The following TRPC4AP variants were observed in gnomAD, a reference collection of about 807,000 sequenced individuals.
TRPC4AP encodes transient receptor potential cation channel subfamily C member 4 associated protein, also known as short transient receptor potential channel 4-associated protein.
A neutral mutation model predicts 99.0 loss-of-function variants in TRPC4AP; 45 were observed. The observed-to-expected ratio is 0.45, with a 90% CI of 0.36 to 0.58. TRPC4AP has a LOEUF of 0.58. Among genes scored for constraint, TRPC4AP ranks in the 20% least tolerant of loss-of-function variants. The pLI, the probability that TRPC4AP is intolerant of heterozygous loss-of-function variation, is 0.00. For synonymous variants in TRPC4AP, 408 were observed against 385.8 expected (o/e 1.06, Z -0.67); for missense variants, 879 against 985.3 (o/e 0.89, Z 1.44).
intron 11 of TRPC4AP, among the ~76,000 whole-genome samples, chr20:35,012,790 G>A (rs2082666703): frequency 6.6e-6 from 1 of 152,218 alleles, no homozygotes; most frequent in Non-Finnish European, 1.5e-5. Flanking sequence ...GGGTGGCTAT[G>A]AGGGTTAGAA....
chr20:35,057,405 T>C lies in TRPC4AP; in HGVS notation c.472+109A>G, dbSNP rs913331909. On this transcript the variant is annotated intron_variant, in intron 4 of 18. Coordinates refer to ENST00000252015, the MANE Select transcript of TRPC4AP (RefSeq NM_015638.3). ...GCAACCTGTAGCTAAATGTAAGACA[T>C]GTCCTTACTATTAAGAGTTAGGAAG... 8.2e-6 allele frequency: 7 copies of C among 851,744 alleles called. No individual in the cohort carries two copies. In the African/African-American group the frequency reaches 1.0e-4, roughly 12 times the overall value. 52.8% of individuals were successfully genotyped at this position (851,744 alleles called of 1,614,324 possible).
At chr20:35,091,936 G>C (rs1395705707) in intron 1 of TRPC4AP, among the ~76,000 whole-genome samples, 2 of 152,164 alleles carry the variant, frequency 1.3e-5, no homozygotes, top group Admixed American at 1.3e-4. Context: ...GAGGAGCAGG[G>C]CTTTGAACCC....
intron 3 of TRPC4AP, among the ~76,000 whole-genome samples, chr20:35,068,984 A>AAAACAAAAC (rs144241228): frequency 7.1e-6 from 1 of 140,174 alleles, no homozygotes; most frequent in African/African-American, 2.9e-5. Flanking sequence ...CACACAAAAA[A>AAAACAAAAC]AACAAAACAT....
At chr20:35,052,098 G>GTT (rs5841189) in intron 5 of TRPC4AP, among the ~76,000 whole-genome samples, 52 of 138,032 alleles carry the variant, frequency 3.8e-4, no homozygotes, top group Non-Finnish European at 6.1e-4. Flanking sequence ...TTTTTTTTTG[G>GTT]TTTTTTTTTT....
chr20:35,034,371 G>A (rs2083269449), intron 8 of TRPC4AP, among the ~76,000 whole-genome samples: 1 of 151,866 alleles, frequency 6.6e-6, no homozygotes, highest in Non-Finnish European at 1.5e-5. Flanking sequence ...GCAAGCTAGG[G>A]CAAAGGTGAT....
chr20:35,073,318 T>TAGGA (rs2084374564), intron 2 of TRPC4AP, among the ~76,000 whole-genome samples: 1 of 152,206 alleles, frequency 6.6e-6, no homozygotes, highest in African/African-American at 2.4e-5. Flanking sequence ...CTATGTTGAA[T>TAGGA]AGGAGTGTGC....
At chr20:35,077,994 T>C in intron 2 of TRPC4AP, 52 bp downstream of exon 2, 1 of 1,513,336 alleles carries the variant, frequency 6.6e-7, no homozygotes, top group South Asian at 1.3e-5. Context: ...AGCAGACATC[T>C]TGTGTCACCT....
At chr20:35,028,210 CCTT>C (rs1569100043) in intron 8 of TRPC4AP, among the ~76,000 whole-genome samples, 1 of 79,122 alleles carries the variant, frequency 1.3e-5, no homozygotes, top group Non-Finnish European at 3.0e-5. Flanking sequence ...CAAAATATTT[CCTT>C]TTTTTTTTTT....
At chr20:35,088,034 C>T (rs1031900501) in intron 1 of TRPC4AP, among the ~76,000 whole-genome samples, 1 of 152,142 alleles carries the variant, frequency 6.6e-6, no homozygotes, top group African/African-American at 2.4e-5. Flanking sequence ...ACCTACCCAT[C>T]CAGAGCTAAA....
At chr20:35,013,175 T>C in intron 10 of TRPC4AP, 109 bp from the exon 11 acceptor site, 1 of 956,534 alleles carries the variant, frequency 1.0e-6, no homozygotes, top group East Asian at 2.4e-5. Context: ...TGTCCTCATG[T>C]ACCATGAGGA....
intron 2 of TRPC4AP, among the ~76,000 whole-genome samples, chr20:35,075,274 T>C (rs1269262224): frequency 6.6e-6 from 1 of 152,220 alleles, no homozygotes; most frequent in Non-Finnish European, 1.5e-5. Flanking sequence ...GTTAATTTTG[T>C]TATGTGTGAA....
chr20:35,017,499 C>T (rs1170185810), intron 9 of TRPC4AP, among the ~76,000 whole-genome samples: 1 of 152,152 alleles, frequency 6.6e-6, no homozygotes, highest in African/African-American at 2.4e-5. Flanking sequence ...ATTACTAGCC[C>T]TTCTCGGGGC....
In TRPC4AP at chr20:35,086,507, A is replaced by G. The variant is rs28520715; in HGVS notation, c.168+6107T>C. Among the ~76,000 whole-genome samples the G allele has an allele frequency of 3.0e-4, 19 of 63,020 alleles. 1 individual carries two copies. The highest frequency in any genetic ancestry group is 5.7e-4 in the East Asian group (1 of 1,768). 41.3% of individuals were successfully genotyped at this position (63,020 alleles called of 152,430 possible). On this transcript the variant is annotated intron_variant, in intron 1 of 18. Transcript: ENST00000252015. ...TGTGTATATATATATGTGTATATATATGTGTGTGTGTGTATATATGTGTGT... is the reference window on the plus strand; with the variant it reads ...TGTGTATATATATATGTGTATATATGTGTGTGTGTGTGTATATATGTGTGT...
intron 1 of TRPC4AP, among the ~76,000 whole-genome samples, chr20:35,087,195 C>T (rs1600675971): frequency 1.3e-5 from 2 of 149,766 alleles, no homozygotes; most frequent in Non-Finnish European, 3.0e-5. Flanking sequence ...AAAAATTAGC[C>T]AGGCGTGGTG....
intron 7 of TRPC4AP, among the ~76,000 whole-genome samples, chr20:35,041,180 T>C (rs1163898601): frequency 9.6e-6 from 1 of 103,922 alleles, no homozygotes; most frequent in Non-Finnish European, 2.2e-5. Context: ...CGGTACCTTG[T>C]TATGGCAGCT....
intron 9 of TRPC4AP, among the ~76,000 whole-genome samples, chr20:35,018,839 C>A (rs949502953): frequency 1.3e-5 from 2 of 152,062 alleles, no homozygotes; most frequent in Non-Finnish European, 2.9e-5. Context: ...CCTGGGTTCA[C>A]AAGATAGCTC....
chr20:35,080,113 T>C (rs2084593959), intron 1 of TRPC4AP, among the ~76,000 whole-genome samples: 1 of 151,356 alleles, frequency 6.6e-6, no homozygotes, highest in Non-Finnish European at 1.5e-5. Flanking sequence ...ATCCATCCAA[T>C]GGAATATTAT....
intron 4 of TRPC4AP, 138 bp from the exon 5 acceptor site, chr20:35,055,169 C>T (rs1274495140): frequency 1.4e-6 from 1 of 699,344 alleles, no homozygotes; most frequent in East Asian, 3.0e-5. Context: ...TTCTTCCAGC[C>T]CCTGTCTACC....
In TRPC4AP at chr20:35,068,984, A is replaced by AAAAAAAAAAAC. The variant is rs144241228; in HGVS notation, c.414+311_414+312insGTTTTTTTTTT. Among the ~76,000 whole-genome samples the AAAAAAAAAAAC allele has an allele frequency of 5.7e-3, 801 of 140,058 alleles. 13 individuals are homozygous for AAAAAAAAAAAC. The highest frequency in any genetic ancestry group is 0.022 in the African/African-American group (764 of 34,700). 91.9% of individuals were successfully genotyped at this position (140,058 alleles called of 152,430 possible). On this transcript the variant is annotated intron_variant, in intron 3 of 18. Transcript: ENST00000252015. ...ACACACACACACACACACACAAAAA[A>AAAAAAAAAAAC]AACAAAACATCTTAAGCAGGACACA...
Sources: allele counts gnomAD v4.1 joint callset (sites outside exome capture counted in the v4.1 genomes callset), GRCh38; gene constraint gnomAD v4.1.1; transcripts MANE v1.5; gene names NCBI Gene and HGNC (gene_info 2026-07-23, HGNC 2026-07-21).